RXFP1: variants seen among roughly 807,000 people sequenced by gnomAD.
RXFP1 encodes relaxin receptor 1.
Under a neutral mutation model 89.8 loss-of-function variants are expected in RXFP1, and 73 were observed. The ratio of observed to expected loss-of-function variants is 0.81; its 90% CI spans 0.67 to 0.99. The LOEUF is 0.99. RXFP1 is among the 50% of genes least tolerant of loss of function. RXFP1 has a pLI of 0.00. For synonymous variants in RXFP1, 277 were observed against 305.5 expected (o/e 0.91, Z 0.97); for missense variants, 793 against 895.5 (o/e 0.89, Z 1.46).
rs559205559 is a variant in RXFP1 at position 158,608,072 on chromosome 4, A to G, written c.536+29A>G. 7.0e-5 allele frequency: 102 copies of G among 1,447,344 alleles called. No homozygotes were observed. In the African/African-American group the frequency reaches 1.1e-3, roughly 16 times the overall value. The allele number at this position is 1,447,344 out of a possible 1,614,324, so 89.7% of individuals were successfully genotyped here. On this transcript the variant is annotated intron_variant, in intron 6 of 17. Transcript: ENST00000307765. Reference sequence around the variant, plus strand: ...AGTACCAGTGTGAATTAATTTGCCCATTCCATGGTAGTCTGACAGCCTAGA... The same window carrying G: ...AGTACCAGTGTGAATTAATTTGCCCGTTCCATGGTAGTCTGACAGCCTAGA...
intron 1 of RXFP1, 53 bp from the exon 2 acceptor site, chr4:158,572,645 A>G (rs560540695): frequency 1.8e-5 from 27 of 1,526,498 alleles, no homozygotes; most frequent in Non-Finnish European, 2.4e-5. Flanking sequence ...GCTCTTTGCC[A>G]CGCCTTTGTA....
chr4:158,572,689 T>C lies in RXFP1; in HGVS notation c.50-9T>C, dbSNP rs2149997524. ...CTTCAAACTTTGTGTCTTCTCCCCT[T>C]TTCCTCAGTTTCTCATGGGGGTGGA... On this transcript the variant is annotated splice_polypyrimidine_tract_variant and intron_variant, in intron 1 of 17. Transcript: ENST00000307765. 7 of 1,614,106 alleles carry C rather than the reference T, an allele frequency of 4.3e-6. 1 individual carries two copies. The highest frequency in any genetic ancestry group is 5.9e-6 in the Non-Finnish European group (7 of 1,179,940).
rs1419857928 is a variant in RXFP1 at position 158,628,644 on chromosome 4, G to A, written c.834G>A (p.Met278Ile). The A allele has an allele frequency of 2.0e-6, 3 of 1,527,960 alleles. No homozygotes were observed. Among genetic ancestry groups the A allele is most frequent in the Non-Finnish European group, 1.8e-6 (2 of 1,107,590 alleles). The allele number at this position is 1,527,960 out of a possible 1,614,324, so 94.7% of individuals were successfully genotyped here. ...ISCSNLTVLV[M>I]RKNKINHLNE... ...TTTTTCTTTTTACTTTCAGAGTGAT[G>A]AGGAAAAACAAAATTAATCACTTAA... The change falls in exon 11 of 18, where the codon ATG (methionine) becomes ATA (isoleucine). Residue 278 changes from methionine to isoleucine, a missense_variant. Met to Ile is a conservative substitution (Grantham distance 10). Coordinates refer to ENST00000307765, the MANE Select transcript of RXFP1 (RefSeq NM_021634.4).
intron 3 of RXFP1, among the ~76,000 whole-genome samples, chr4:158,596,418 G>T (rs982461677): frequency 6.6e-6 from 1 of 151,726 alleles, no homozygotes. Context: ...GTGCCACCAC[G>T]CCTGGCTAAT....
chr4:158,546,006 T>C (rs1453748292), intron 1 of RXFP1, among the ~76,000 whole-genome samples: 1 of 152,188 alleles, frequency 6.6e-6, no homozygotes, highest in East Asian at 1.9e-4. Context: ...GGTAGCTTGA[T>C]GGGGATGGGA....
At chr4:158,548,151 A>G (rs1367020348) in intron 1 of RXFP1, among the ~76,000 whole-genome samples, 3 of 152,240 alleles carry the variant, frequency 2.0e-5, no homozygotes, top group South Asian at 2.1e-4. Context: ...GGGTGCACAT[A>G]TATTTAGGAT....
At chr4:158,533,279 GT>G (rs1344611000) in intron 1 of RXFP1, among the ~76,000 whole-genome samples, 7 of 152,174 alleles carry the variant, frequency 4.6e-5, no homozygotes, top group African/African-American at 7.2e-5. Flanking sequence ...ACTCAGGAAA[GT>G]TTTTTTGTGC....
intron 1 of RXFP1, among the ~76,000 whole-genome samples, chr4:158,541,916 T>C (rs1264223361): frequency 6.6e-6 from 1 of 150,998 alleles, no homozygotes; most frequent in African/African-American, 2.4e-5. Flanking sequence ...ATGATGCTTT[T>C]CTTTTTTGTT....
chr4:158,564,665 A>G (rs1055122541), intron 1 of RXFP1, among the ~76,000 whole-genome samples: 3 of 152,204 alleles, frequency 2.0e-5, no homozygotes, highest in African/African-American at 7.2e-5. Context: ...GTTCAGGACT[A>G]AAACAGCATT....
Position 158,652,066 on chromosome 4 carries a change from A to T in RXFP1, c.*11A>T. 1 of 1,595,580 alleles carries T rather than the reference A, an allele frequency of 6.3e-7. No individual in the cohort carries two copies. The highest frequency in any genetic ancestry group is 8.6e-7 in the Non-Finnish European group (1 of 1,168,640). On this transcript the variant is annotated 3_prime_UTR_variant, in exon 18 of 18. Coordinates refer to ENST00000307765, the MANE Select transcript of RXFP1 (RefSeq NM_021634.4). ...AATTCCTATTCATGACTGACTCTGA[A>T]ATTCATTTCTTCGCAGAGAATACTG... is the stretch of plus-strand genomic sequence containing the variant.
intron 1 of RXFP1, among the ~76,000 whole-genome samples, chr4:158,548,691 A>C (rs1749221859): frequency 6.6e-6 from 1 of 152,124 alleles, no homozygotes; most frequent in Non-Finnish European, 1.5e-5. Context: ...AAAGGATTTT[A>C]TTTATCCTTC....
intron 9 of RXFP1, 28 bp from the exon 10 acceptor site, chr4:158,626,792 G>A (rs1362868170): frequency 2.3e-6 from 3 of 1,322,148 alleles, no homozygotes; most frequent in Admixed American, 2.0e-5. Flanking sequence ...TTAAGATTTA[G>A]CTGTATCGTT....
chr4:158,537,164 T>G (rs1417186873), intron 1 of RXFP1, among the ~76,000 whole-genome samples: 1 of 152,128 alleles, frequency 6.6e-6, no homozygotes, highest in Non-Finnish European at 1.5e-5. Context: ...CCAACCTCTC[T>G]TTAGGATTTT....
intron 1 of RXFP1, among the ~76,000 whole-genome samples, chr4:158,570,008 T>C (rs184399752): frequency 5.9e-5 from 9 of 152,348 alleles, no homozygotes; most frequent in Admixed American, 5.9e-4. Context: ...TGTAGGGGTA[T>C]AAATATAGCA....
chr4:158,613,321 T>A (rs1198538707), intron 8 of RXFP1, among the ~76,000 whole-genome samples: 1 of 152,234 alleles, frequency 6.6e-6, no homozygotes, highest in Non-Finnish European at 1.5e-5. Flanking sequence ...CTACATTGAT[T>A]GACTTTTAAT....
At chr4:158,546,246 CTGTT>C (rs1295973504) in intron 1 of RXFP1, among the ~76,000 whole-genome samples, 3 of 152,102 alleles carry the variant, frequency 2.0e-5, no homozygotes, top group African/African-American at 7.2e-5. Context: ...ATTTGGCTCT[CTGTT>C]TGTCTGTTAT....
chr4:158,570,658 C>T (rs1026068116), intron 1 of RXFP1, among the ~76,000 whole-genome samples: 2 of 152,092 alleles, frequency 1.3e-5, no homozygotes, highest in Non-Finnish European at 2.9e-5. Flanking sequence ...GCCCAGCTTT[C>T]CCTCCTACCC....
intron 1 of RXFP1, among the ~76,000 whole-genome samples, chr4:158,549,211 T>C (rs1235254461): frequency 6.6e-6 from 1 of 152,102 alleles, no homozygotes; most frequent in Non-Finnish European, 1.5e-5. Flanking sequence ...TCATCTTCCA[T>C]CACTGATACC....
intron 2 of RXFP1, among the ~76,000 whole-genome samples, chr4:158,580,979 AG>A (rs1440487044): frequency 6.6e-6 from 1 of 152,062 alleles, no homozygotes; most frequent in Non-Finnish European, 1.5e-5. Context: ...TAATAGAGAC[AG>A]GGTTTCACCA....
Sources: gnomAD v4.1 joint callset for allele counts (sites outside exome capture counted in the v4.1 genomes callset) on GRCh38, gnomAD v4.1.1 for gene constraint, MANE v1.5 for transcripts, NCBI Gene and HGNC (gene_info 2026-07-23, HGNC 2026-07-21) for gene names.